Variants in NPIPB11 observed in about 807,000 individuals in gnomAD.
NPIPB11 encodes nuclear pore complex-interacting protein family member B11.
Under a neutral mutation model 32.8 loss-of-function variants are expected in NPIPB11, and 17 were observed. The observed-to-expected ratio is 0.52, with a 90% CI of 0.35 to 0.78. The LOEUF is 0.78. NPIPB11 is among the 30% of genes least tolerant of loss of function. The pLI is 0.01. For missense variants in NPIPB11, 537 were observed against 1,000.4 expected (o/e 0.54, Z 6.25); for synonymous variants, 209 against 398.4 (o/e 0.52, Z 5.66).
chr16:29,397,652 C>A, intron 2 of NPIPB11: 1 of 1,395,546 alleles, frequency 7.2e-7, no homozygotes, highest in Non-Finnish European at 9.8e-7. Context: ...TGTCCTGGTC[C>A]TTTCAGGGCG....
chr16:29,391,588 C>A (rs941330748), intron 3 of NPIPB11, among the ~76,000 whole-genome samples: 1 of 151,382 alleles, frequency 6.6e-6, no homozygotes, highest in African/African-American at 2.4e-5. Flanking sequence ...GAATTCCCAC[C>A]AAGATTTCCA....
chr16:29,394,646 T>A (rs1388379981), intron 2 of NPIPB11, among the ~76,000 whole-genome samples: 3 of 151,976 alleles, frequency 2.0e-5, no homozygotes, highest in Admixed American at 2.0e-4. Flanking sequence ...TGTTGGCCAG[T>A]CTGGCCTTGA....
chr16:29,390,451 A>C, intron 3 of NPIPB11, 103 bp from the exon 4 acceptor site: 1 of 1,565,304 alleles, frequency 6.4e-7, no homozygotes, highest in Non-Finnish European at 8.7e-7. Flanking sequence ...GGTCAGGAGC[A>C]AGACCAGCCT....
At chr16:29,397,061 C>A (rs1963872479) in intron 2 of NPIPB11, among the ~76,000 whole-genome samples, 1 of 151,056 alleles carries the variant, frequency 6.6e-6, no homozygotes. Flanking sequence ...ATCTGAGCTA[C>A]TCAGGAGGCT....
At chr16:29,390,932 C>CA (rs1211589930) in intron 3 of NPIPB11, among the ~76,000 whole-genome samples, 4 of 136,566 alleles carry the variant, frequency 2.9e-5, no homozygotes, top group East Asian at 4.2e-4. Context: ...CATTGCACTC[C>CA]AACCTGGGCA....
upstream of NPIPB11, among the ~76,000 whole-genome samples, chr16:29,405,978 G>A (rs1369687036): frequency 6.6e-6 from 1 of 152,250 alleles, no homozygotes; most frequent in Non-Finnish European, 1.5e-5. Flanking sequence ...GTAAGTTTCT[G>A]TATTGCTTTG....
intron 2 of NPIPB11, among the ~76,000 whole-genome samples, chr16:29,401,053 G>T (rs2142138735): frequency 6.6e-6 from 1 of 152,194 alleles, no homozygotes; most frequent in East Asian, 1.9e-4. Flanking sequence ...CAGGGCCATT[G>T]GAACAAAGAG....
In NPIPB11 at chr16:29,390,546, G is replaced by A. The variant is rs1393979880; in HGVS notation, c.250-198C>T. ...CGGGCGCCTGTAATCCAAGCTACTC[G>A]GGAGGCTGAGGCAGAGAACCGTTTG... On this transcript the variant is annotated intron_variant, in intron 3 of 7. Coordinates refer to ENST00000524087, the Ensembl canonical transcript of NPIPB11. 3.3e-5 allele frequency among the ~76,000 whole-genome samples: 5 copies of A among 151,342 alleles called. No homozygotes were observed. In the East Asian group the frequency reaches 7.8e-4, roughly 24 times the overall value.
chr16:29,383,384 CTTGAGATTAT>C lies in NPIPB11; in HGVS notation c.1538_1547del (p.Asp513GlyfsTer81). 1 of 345,400 alleles carries C rather than the reference CTTGAGATTAT, an allele frequency of 2.9e-6. No homozygotes were observed. The highest frequency in any genetic ancestry group is 5.4e-5 in the East Asian group (1 of 18,420). The allele number at this position is 345,400 out of a possible 1,614,324, so 21.4% of individuals were successfully genotyped here. On this transcript the variant is annotated frameshift_variant, in exon 8 of 8. Transcript: ENST00000524087. LOFTEE classifies it low-confidence loss of function (END_TRUNC). ...GAGTGAGCTGACGCTCAGAAGGTGTCTTGAGATTATCATCCGCTGAGGGTGGAAGCGGCCC... is the reference window on the plus strand; with the variant it reads ...GAGTGAGCTGACGCTCAGAAGGTGTCCATCCGCTGAGGGTGGAAGCGGCCC...
chr16:29,401,133 C>G (rs1395276769), intron 2 of NPIPB11, among the ~76,000 whole-genome samples: 1 of 152,124 alleles, frequency 6.6e-6, no homozygotes, highest in Non-Finnish European at 1.5e-5. Context: ...GGGGCACTGT[C>G]AGTGTGGGAG....
chr16:29,397,808 G>T, intron 2 of NPIPB11: 1 of 232,020 alleles, frequency 4.3e-6, no homozygotes, highest in Non-Finnish European at 7.1e-6. Context: ...AGTAAGGGAA[G>T]GGAAAGGAGG....
At chr16:29,393,197 GAC>G (rs1405203349) in intron 3 of NPIPB11, among the ~76,000 whole-genome samples, 1 of 151,300 alleles carries the variant, frequency 6.6e-6, no homozygotes, top group Admixed American at 6.6e-5. Context: ...ACCCTGCCCA[GAC>G]ACACTTTTCA....
intron 3 of NPIPB11, among the ~76,000 whole-genome samples, chr16:29,390,567 G>A (rs557771171): frequency 0.045 from 6,762 of 150,708 alleles, 541 homozygotes; most frequent in African/African-American, 0.15. Context: ...GCAGAGAACC[G>A]TTTGAAGCTG....
At chr16:29,392,350 G>A (rs1000875660) in intron 3 of NPIPB11, among the ~76,000 whole-genome samples, 8 of 151,588 alleles carry the variant, frequency 5.3e-5, no homozygotes, top group African/African-American at 1.2e-4. Flanking sequence ...TGAGAGGTGC[G>A]AAGTTGTCCA....
At chr16:29,393,783 G>T (rs983458799) in intron 3 of NPIPB11, among the ~76,000 whole-genome samples, 165 bp downstream of exon 3, 2 of 152,098 alleles carry the variant, frequency 1.3e-5, no homozygotes, top group Non-Finnish European at 2.9e-5. Context: ...TTTTCATAAC[G>T]CAAATGGCAG....
chr16:29,405,894 C>T (rs1203682973), upstream of NPIPB11, among the ~76,000 whole-genome samples: 3 of 152,346 alleles, frequency 2.0e-5, no homozygotes, highest in South Asian at 2.1e-4. Context: ...CTTCCTGTGT[C>T]GATTCAATTC....
At chr16:29,406,244 T>G (rs1446421748), upstream of NPIPB11, among the ~76,000 whole-genome samples, 1 of 152,266 alleles carries the variant, frequency 6.6e-6, no homozygotes. Flanking sequence ...TTGTCAAATG[T>G]GGCGATACTG....
At chr16:29,393,617 G>A (rs937993751) in intron 3 of NPIPB11, among the ~76,000 whole-genome samples, 2 of 149,896 alleles carry the variant, frequency 1.3e-5, no homozygotes, top group Non-Finnish European at 3.0e-5. Flanking sequence ...CCACCCATAC[G>A]ATAGAACTAT....
intron 5 of NPIPB11, among the ~76,000 whole-genome samples, chr16:29,386,713 TTC>T (rs1963598184): frequency 9.7e-6 from 1 of 103,578 alleles, no homozygotes; most frequent in African/African-American, 3.3e-5. Flanking sequence ...GTACTTTGTT[TTC>T]TGTTTTGTGA....
Sources: gnomAD v4.1 joint callset for allele counts (sites outside exome capture counted in the v4.1 genomes callset) on GRCh38, gnomAD v4.1.1 for gene constraint, MANE v1.5 for transcripts, NCBI Gene and HGNC (gene_info 2026-07-23, HGNC 2026-07-21) for gene names.